The following IGSF11 variants were observed in gnomAD, a reference collection of about 807,000 sequenced individuals.
IGSF11 encodes CXADR like 1.
In IGSF11, 22 loss-of-function variants were observed where a neutral mutation model predicts 41.0. The observed-to-expected ratio is 0.54, with a 90% CI of 0.38 to 0.77. The LOEUF (loss-of-function observed/expected upper bound fraction) is 0.77. IGSF11 is among the 30% of genes least tolerant of loss of function. IGSF11 has a pLI of 0.00. For synonymous variants in IGSF11, 219 were observed against 201.3 expected, an observed-to-expected ratio of 1.09 and a Z score of -0.74; for missense variants, 444 against 530.8, an observed-to-expected ratio of 0.84 and a Z score of 1.61.
At chr3:119,078,031 A>C (rs1055586417) in intron 1 of IGSF11, among the ~76,000 whole-genome samples, 2 of 152,212 alleles carry the variant, frequency 1.3e-5, no homozygotes, top group African/African-American at 4.8e-5. Flanking sequence ...GGCACAAACC[A>C]ATGACAAAAC....
intron 1 of IGSF11, among the ~76,000 whole-genome samples, chr3:119,007,872 C>G (rs1467985274): frequency 6.6e-6 from 1 of 152,162 alleles, no homozygotes; most frequent in Non-Finnish European, 1.5e-5. Context: ...AGTCAAGCTG[C>G]CTAAATATGT....
chr3:119,092,180 G>A (rs1222448315), intron 1 of IGSF11, among the ~76,000 whole-genome samples: 1 of 151,900 alleles, frequency 6.6e-6, no homozygotes, highest in Non-Finnish European at 1.5e-5. Flanking sequence ...CCCTGTGTTC[G>A]CGCTTGAAGC....
At chr3:118,904,465 A>T (rs2107466485) in intron 6 of IGSF11, among the ~76,000 whole-genome samples, 183 bp downstream of exon 6, 1 of 152,266 alleles carries the variant, frequency 6.6e-6, no homozygotes. Context: ...CTCCTTCATG[A>T]TCCAGTGAAT....
At chr3:119,095,364 A>C (rs1251236441) in intron 1 of IGSF11, among the ~76,000 whole-genome samples, 1 of 152,194 alleles carries the variant, frequency 6.6e-6, no homozygotes. Flanking sequence ...AAATATTCAC[A>C]GGGTGGCCTT....
At chr3:118,975,172 T>C (rs1193517373) in intron 1 of IGSF11, among the ~76,000 whole-genome samples, 2 of 152,130 alleles carry the variant, frequency 1.3e-5, no homozygotes, top group African/African-American at 2.4e-5. Flanking sequence ...TCTCCTCCTA[T>C]TGAAGAGATT....
In IGSF11 at chr3:118,929,141, T is replaced by C. The variant is rs1197628037; in HGVS notation, c.217-425A>G. On this transcript the variant is annotated intron_variant, in intron 2 of 6. Transcript: ENST00000393775. The stretch of plus-strand genomic sequence containing the variant: ...AAATGTCACAGAAGGGAAGTAGAGT[T>C]ACAAGTCCATGATTACTGTTCTTAT... Among the ~76,000 whole-genome samples the C allele has an allele frequency of 2.0e-5, 3 of 152,210 alleles. No individual in the cohort carries two copies. The East Asian group carries it at 5.8e-4, about 29-fold the overall frequency.
At chr3:118,992,178 C>A (rs1935851187) in intron 1 of IGSF11, among the ~76,000 whole-genome samples, 1 of 152,054 alleles carries the variant, frequency 6.6e-6, no homozygotes. Context: ...AGAAATGTAC[C>A]AAAAATTATC....
At chr3:119,109,916 A>G (rs537783979), upstream of IGSF11, among the ~76,000 whole-genome samples, 1,234 of 152,118 alleles carry the variant, frequency 8.1e-3, 8 homozygotes, top group Non-Finnish European at 0.013. Flanking sequence ...GAGTTTCTTA[A>G]TCCTGAGTTC....
chr3:119,114,152 A>G (rs2077224228), intron 1 of IGSF11, among the ~76,000 whole-genome samples: 1 of 152,158 alleles, frequency 6.6e-6, no homozygotes, highest in Non-Finnish European at 1.5e-5. Context: ...AGGTATCTAA[A>G]ATGCCTTCAA....
At chr3:119,108,800 G>T (rs1368384984), upstream of IGSF11, among the ~76,000 whole-genome samples, 18 of 144,892 alleles carry the variant, frequency 1.2e-4, no homozygotes, top group East Asian at 2.0e-3. Flanking sequence ...TAGCATGAAG[G>T]GTTGTTGAAT....
chr3:118,977,302 A>C (rs981524143), intron 1 of IGSF11, among the ~76,000 whole-genome samples: 3 of 152,186 alleles, frequency 2.0e-5, no homozygotes, highest in African/African-American at 7.2e-5. Context: ...TCAGACAGGC[A>C]GCAACAGCTT....
intron 1 of IGSF11, among the ~76,000 whole-genome samples, chr3:119,078,585 A>G (rs116127831): frequency 0.016 from 2,436 of 152,326 alleles, 76 homozygotes; most frequent in African/African-American, 0.056. Context: ...TTAAAGATTT[A>G]TGTGTAAAAC....
At chr3:118,936,019 A>G (rs1943246825) in intron 1 of IGSF11, among the ~76,000 whole-genome samples, 2 of 152,040 alleles carry the variant, frequency 1.3e-5, no homozygotes, top group South Asian at 4.1e-4. Context: ...AACTATGTGT[A>G]ATAAAAAGTT....
At chr3:118,938,010 T>C (rs1008642304) in intron 1 of IGSF11, among the ~76,000 whole-genome samples, 10 of 150,690 alleles carry the variant, frequency 6.6e-5, no homozygotes, top group African/African-American at 2.5e-4. Context: ...AAAAGATATC[T>C]CTCTCTCTCT....
intron 1 of IGSF11, among the ~76,000 whole-genome samples, chr3:119,051,374 A>C (rs1269163808): frequency 6.6e-6 from 1 of 152,006 alleles, no homozygotes; most frequent in East Asian, 1.9e-4. Flanking sequence ...AGTTAAAAAA[A>C]ATAAAGAGGG....
chr3:118,911,854 C>G (rs1379340334), intron 4 of IGSF11, among the ~76,000 whole-genome samples: 1 of 152,048 alleles, frequency 6.6e-6, no homozygotes, highest in Non-Finnish European at 1.5e-5. Flanking sequence ...TCAGTCTTCT[C>G]CCTTGTAACA....
At chr3:119,055,478 T>G (rs868547796) in intron 1 of IGSF11, among the ~76,000 whole-genome samples, 4 of 152,140 alleles carry the variant, frequency 2.6e-5, no homozygotes, top group Admixed American at 1.3e-4. Flanking sequence ...AGCAAGTCCT[T>G]AGTGACCTAC....
At chr3:119,045,261 C>G (rs1215391750) in intron 1 of IGSF11, among the ~76,000 whole-genome samples, 2 of 152,184 alleles carry the variant, frequency 1.3e-5, no homozygotes, top group African/African-American at 2.4e-5. Flanking sequence ...GAGCGCCAGA[C>G]AGTGGGCGCA....
chr3:119,008,231 A>C (rs1937645903), intron 1 of IGSF11, among the ~76,000 whole-genome samples: 1 of 121,610 alleles, frequency 8.2e-6, no homozygotes, highest in Non-Finnish European at 1.6e-5. Context: ...ACAAAAGAAA[A>C]AGCCACATTT....
Sources: allele counts gnomAD v4.1 joint callset (sites outside exome capture counted in the v4.1 genomes callset), GRCh38; gene constraint gnomAD v4.1.1; transcripts MANE v1.5; gene names NCBI Gene and HGNC (gene_info 2026-07-23, HGNC 2026-07-21).